The following MX2 variants were observed in gnomAD, a reference collection of about 807,000 sequenced individuals.
MX2 encodes MX dynamin like GTPase 2.
A neutral mutation model predicts 74.0 loss-of-function variants in MX2; 51 were observed. The ratio of observed to expected loss-of-function variants is 0.69; its 90% CI spans 0.55 to 0.87. The LOEUF (loss-of-function observed/expected upper bound fraction) is 0.87, where lower values mean the gene tolerates loss of function less well. Among genes scored for constraint, MX2 ranks in the 40% least tolerant of loss-of-function variants. MX2 has a pLI of 0.00. For missense variants in MX2, 832 were observed against 908.7 expected (o/e 0.92, Z 1.09); for synonymous variants, 369 against 339.3 (o/e 1.09, Z -0.96).
chr21:41,393,110 C>CAAAAAAAAAAA (rs373955778), intron 6 of MX2, among the ~76,000 whole-genome samples: 97 of 60,030 alleles, frequency 1.6e-3, no homozygotes, highest in African/African-American at 3.6e-3. Context: ...CTCAAAAAAG[C>CAAAAAAAAAAA]AAAAAAAAAA....
intron 6 of MX2, among the ~76,000 whole-genome samples, 169 bp downstream of exon 6, chr21:41,390,872 G>A (rs530789377): frequency 6.6e-6 from 1 of 152,296 alleles, no homozygotes; most frequent in African/African-American, 2.4e-5. Context: ...CGGGCATGGT[G>A]GCTGGTGCCT....
chr21:41,392,827 G>A (rs1201190723), intron 6 of MX2, among the ~76,000 whole-genome samples: 3 of 152,162 alleles, frequency 2.0e-5, no homozygotes, highest in East Asian at 1.9e-4. Flanking sequence ...AATTGAGGCC[G>A]GGCATGTTGA....
chr21:41,365,939 C>T (rs2089262089), intron 1 of MX2: 1 of 152,534 alleles, frequency 6.6e-6, no homozygotes, highest in Non-Finnish European at 1.5e-5. Flanking sequence ...TCTCAGTCGC[C>T]CTCGCTTGCC....
rs1301062875 is a variant in MX2 at position 41,408,116 on chromosome 21, G to T, written c.2031G>T (p.Trp677Cys). The change falls in exon 14 of 14, where the codon TGG becomes TGT. Residue 677 changes from tryptophan to cysteine, a missense_variant. Transcript: ENST00000330714. ...QILQEKNRYS[W>C]LLQEQSETAT... ...TACAGGAAAAAAATCGCTATTCCTG[G>T]CTGCTTCAAGAGCAGAGTGAGACCG... The T allele has an allele frequency of 6.2e-7, 1 of 1,614,156 alleles. No homozygotes were observed. The highest frequency in any genetic ancestry group is 8.5e-7 in the Non-Finnish European group (1 of 1,180,036).
Position 41,402,502 on chromosome 21 carries a change from G to A in MX2, c.1573+374G>A, listed in dbSNP as rs1034287942. The stretch of plus-strand genomic sequence containing the variant: ...ATGCACTTCATCTGTATCACACGCA[G>A]CCACCAACACAGCCGCGTAAGGCAG... On this transcript the variant is annotated intron_variant, in intron 11 of 13. Transcript: ENST00000330714. The surrounding 1 kb of genome is among the most constrained non-coding windows in gnomAD (Gnocchi z 4.5). The A allele has an allele frequency of 1.6e-4, 31 of 198,160 alleles. No homozygotes were observed. In the Admixed American group the frequency reaches 1.6e-3, roughly 10 times the overall value. 12.3% of individuals were successfully genotyped at this position (198,160 alleles called of 1,614,324 possible). A position where few individuals can be genotyped will look rare whatever the true frequency, so the allele number is the denominator to read the frequency against.
At chr21:41,386,219 CAAAAAAAAAAAAAA>C (rs59005802) in intron 5 of MX2, among the ~76,000 whole-genome samples, 9 of 31,998 alleles carry the variant, frequency 2.8e-4, no homozygotes, top group Non-Finnish European at 5.1e-4. Context: ...TACTCCATCT[CAAAAAAAAAAAAAA>C]AAAAAAAAAA....
At chr21:41,379,385 G>T (rs919295540) in intron 3 of MX2, among the ~76,000 whole-genome samples, 2 of 152,126 alleles carry the variant, frequency 1.3e-5, no homozygotes, top group African/African-American at 4.8e-5. Flanking sequence ...ACTCAGCACC[G>T]CTCCCACCTT....
intron 6 of MX2, among the ~76,000 whole-genome samples, chr21:41,391,174 A>G (rs1486802005): frequency 4.6e-5 from 7 of 152,162 alleles, no homozygotes; most frequent in Admixed American, 2.0e-4. Flanking sequence ...TGAGGACTGA[A>G]GTAGGTAATA....
At chr21:41,376,701 C>T in intron 1 of MX2, 135 bp from the exon 2 acceptor site, 2 of 639,680 alleles carry the variant, frequency 3.1e-6, no homozygotes, top group Non-Finnish European at 5.3e-6. Context: ...AGGGGCCCTG[C>T]ACTGGACCCC....
At chr21:41,407,064 A>G in intron 13 of MX2, 66 bp downstream of exon 13, 1 of 1,543,902 alleles carries the variant, frequency 6.5e-7, no homozygotes, top group Non-Finnish European at 8.8e-7. Context: ...GGGCTATGCT[A>G]ACCTAGAGAG....
intron 1 of MX2, among the ~76,000 whole-genome samples, chr21:41,362,913 C>T (rs548239374): frequency 4.0e-5 from 6 of 151,742 alleles, no homozygotes; most frequent in Admixed American, 2.0e-4. Context: ...TGTGCACCAC[C>T]ACACCTGGTT....
At chr21:41,362,423 C>G (rs1371078452) in intron 1 of MX2, among the ~76,000 whole-genome samples, 4 of 152,056 alleles carry the variant, frequency 2.6e-5, no homozygotes. Flanking sequence ...CCCGAAAAGT[C>G]GTCTCGGAGG....
intron 1 of MX2, among the ~76,000 whole-genome samples, chr21:41,372,294 A>G (rs980511454): frequency 6.6e-6 from 1 of 152,268 alleles, no homozygotes; most frequent in African/African-American, 2.4e-5. Context: ...CCATGATGCA[A>G]ACAATTATGG....
rs114916538 is a variant in MX2, at chr21:41,381,111, A to G, written c.577+960A>G. 7.3e-3 allele frequency among the ~76,000 whole-genome samples: 1,111 copies of G among 152,300 alleles called. 19 individuals carry two copies. The highest frequency in any genetic ancestry group is 0.025 in the African/African-American group (1,047 of 41,562). ...GCTTTCTGGAGGAATCCCTTCCCAA[A>G]TAGAGAGGTCTTCACTCCAATTTCC... On this transcript the variant is annotated intron_variant, in intron 4 of 13. Transcript: ENST00000330714.
At chr21:41,373,798 T>C (rs1601395775) in intron 1 of MX2, 9 of 107,426 alleles carry the variant, frequency 8.4e-5, no homozygotes, top group East Asian at 2.6e-4. Flanking sequence ...TCCCAGACTC[T>C]CAAACTTAAA....
At chr21:41,365,767 T>C (rs1165832569) in intron 1 of MX2, 1 of 152,238 alleles carries the variant, frequency 6.6e-6, no homozygotes, top group Non-Finnish European at 1.5e-5. Flanking sequence ...CTGGGTCGAA[T>C]GGTAATCCTG....
chr21:41,376,272 G>A (rs550809522), intron 1 of MX2, among the ~76,000 whole-genome samples: 11 of 152,304 alleles, frequency 7.2e-5, no homozygotes, highest in East Asian at 5.8e-4. Context: ...GGTGGCTCAC[G>A]ACTGTATTCC....
chr21:41,390,787 C>T (rs1568942638), intron 6 of MX2, 84 bp downstream of exon 6: 8 of 1,470,024 alleles, frequency 5.4e-6, no homozygotes, highest in Middle Eastern at 2.3e-4. Context: ...GGGCGGATCA[C>T]GAGGTCAGGA....
chr21:41,381,214 G>A (rs1190925930), intron 4 of MX2, among the ~76,000 whole-genome samples: 1 of 152,206 alleles, frequency 6.6e-6, no homozygotes, highest in Admixed American at 6.5e-5. Context: ...CAAAAGGTCT[G>A]CACCCCAGCT....
Sources: gnomAD v4.1 joint callset for allele counts (sites outside exome capture counted in the v4.1 genomes callset) on GRCh38, gnomAD v4.1.1 for gene constraint, Gnocchi (gnomAD v3.1) non-coding constraint, MANE v1.5 for transcripts, NCBI Gene and HGNC (gene_info 2026-07-23, HGNC 2026-07-21) for gene names.